Variants in OXR1 observed in about 807,000 individuals in gnomAD.
OXR1 encodes the protein oxidation resistance protein 1.
In OXR1, 41 loss-of-function variants were observed where a neutral mutation model predicts 104.6. That is an observed-to-expected ratio of 0.39 (90% CI 0.31 to 0.51). The LOEUF (loss-of-function observed/expected upper bound fraction) is 0.51. Ranked by LOEUF, OXR1 falls within the 20% of genes least tolerant of loss-of-function variation. The pLI, the probability that OXR1 is intolerant of heterozygous loss-of-function variation, is 0.77. For synonymous variants in OXR1, 348 were observed against 348.4 expected (o/e 1.00, Z 0.01); for missense variants, 955 against 1,031.9 (o/e 0.93, Z 1.02).
chr8:106,336,880 G>A (rs754372270), intron 1 of OXR1, among the ~76,000 whole-genome samples: 6 of 152,202 alleles, frequency 3.9e-5, no homozygotes, highest in Middle Eastern at 3.4e-3. Context: ...ATGGCTTATG[G>A]CATTACCTAG....
chr8:106,363,405 A>AT (rs1816330497), intron 2 of OXR1, among the ~76,000 whole-genome samples: 1 of 152,234 alleles, frequency 6.6e-6, no homozygotes, highest in Admixed American at 6.5e-5. Flanking sequence ...CACCTCTTGC[A>AT]TTTATTCCTT....
intron 2 of OXR1, among the ~76,000 whole-genome samples, chr8:106,512,964 G>A (rs562636993): frequency 9.5e-4 from 145 of 152,278 alleles, no homozygotes; most frequent in Non-Finnish European, 1.4e-3. Flanking sequence ...GCCACATTCA[G>A]TCACTGTTGG....
chr8:106,341,164 G>A (rs1052453142), intron 1 of OXR1, among the ~76,000 whole-genome samples: 8 of 151,916 alleles, frequency 5.3e-5, no homozygotes, highest in African/African-American at 1.9e-4. Context: ...TTATTTTATA[G>A]CCTTCACCTT....
intron 1 of OXR1, among the ~76,000 whole-genome samples, chr8:106,291,305 G>A (rs931284699): frequency 2.6e-5 from 4 of 152,062 alleles, no homozygotes; most frequent in African/African-American, 9.7e-5. Flanking sequence ...GAGAAAGGAA[G>A]ATGTGACTCA....
At chr8:106,692,225 C>T (rs1829378194) in intron 6 of OXR1, among the ~76,000 whole-genome samples, 2 of 152,004 alleles carry the variant, frequency 1.3e-5, no homozygotes, top group Non-Finnish European at 2.9e-5. Context: ...GATTTATCAA[C>T]TGTAGCTCGA....
chr8:106,442,691 A>T (rs1437783859), intron 2 of OXR1, among the ~76,000 whole-genome samples: 1 of 152,134 alleles, frequency 6.6e-6, no homozygotes, highest in Non-Finnish European at 1.5e-5. Flanking sequence ...TAGATTTTCT[A>T]GTTTATTTGC....
chr8:106,582,697 G>T (rs1306818628), intron 3 of OXR1, among the ~76,000 whole-genome samples: 1 of 152,142 alleles, frequency 6.6e-6, no homozygotes, highest in Admixed American at 6.5e-5. Context: ...TTAAGCCACA[G>T]AAGTGTTGTT....
chr8:106,461,697 G>T (rs1422404276), intron 2 of OXR1, among the ~76,000 whole-genome samples: 1 of 152,118 alleles, frequency 6.6e-6, no homozygotes, highest in Admixed American at 6.6e-5. Context: ...TTCTTTATTT[G>T]TAAATTGACA....
intron 1 of OXR1, among the ~76,000 whole-genome samples, chr8:106,349,243 G>C (rs771801716): frequency 2.0e-5 from 3 of 152,036 alleles, no homozygotes; most frequent in Non-Finnish European, 2.9e-5. Context: ...TGATCCAAAT[G>C]TTCAAAAAAT....
chr8:106,355,191 T>A (rs1487156998), intron 1 of OXR1, among the ~76,000 whole-genome samples: 1 of 152,164 alleles, frequency 6.6e-6, no homozygotes, highest in Non-Finnish European at 1.5e-5. Flanking sequence ...GAAGATATAG[T>A]CTTTCTCTTG....
chr8:106,283,471 A>G (rs188903375), intron 1 of OXR1, among the ~76,000 whole-genome samples: 70 of 152,274 alleles, frequency 4.6e-4, no homozygotes, highest in African/African-American at 1.6e-3. Context: ...CTAAGTTTTA[A>G]TGTGGTTCCC....
intron 3 of OXR1, among the ~76,000 whole-genome samples, chr8:106,588,149 T>C (rs953761421): frequency 6.6e-6 from 1 of 151,972 alleles, no homozygotes; most frequent in East Asian, 1.9e-4. Flanking sequence ...TTAATAGAGA[T>C]GGGGTTTCAC....
At chr8:106,273,806 C>G (rs908451809) in intron 1 of OXR1, among the ~76,000 whole-genome samples, 1 of 152,022 alleles carries the variant, frequency 6.6e-6, no homozygotes, top group African/African-American at 2.4e-5. Context: ...AACAAACAAA[C>G]AAAAAATCTT....
intron 3 of OXR1, among the ~76,000 whole-genome samples, chr8:106,642,318 G>C (rs978968837): frequency 6.6e-6 from 1 of 152,044 alleles, no homozygotes; most frequent in Non-Finnish European, 1.5e-5. Flanking sequence ...ACTCCCTCCT[G>C]TAACAAACTT....
At chr8:106,411,426 C>A (rs982506657) in intron 2 of OXR1, among the ~76,000 whole-genome samples, 1 of 152,134 alleles carries the variant, frequency 6.6e-6, no homozygotes, top group Admixed American at 6.5e-5. Flanking sequence ...ATATAATTGG[C>A]ACCATGAAGG....
Position 106,653,079 on chromosome 8 carries a change from A to T in OXR1, c.221-26131A>T, listed in dbSNP as rs1273385787. Among the ~76,000 whole-genome samples, 23 of 107,902 alleles carry T rather than the reference A, an allele frequency of 2.1e-4. No individual in the cohort carries two copies. In the East Asian group the frequency reaches 3.8e-3, roughly 18 times the overall value. 70.8% of individuals were successfully genotyped at this position (107,902 alleles called of 152,430 possible). ...TGACACAAGGAGAAATAGAAAAAAA[A>T]AAAAATATATATATATATATGGTAA... is the stretch of plus-strand genomic sequence containing the variant. On this transcript the variant is annotated intron_variant, in intron 3 of 16. Coordinates refer to ENST00000517566, the MANE Select transcript of OXR1 (RefSeq NM_001198533.2).
chr8:106,750,817 C>T lies in OXR1; in HGVS notation c.2498C>T (p.Ala833Val), dbSNP rs759518315. ...TTTATGTATTGCAGAGGAGAATTTG[C>T]GCTTTGGCTTGATGGAGATCTCTAC... ...LAFGGGGGEFALWLDGDLYHG... is the reference protein window; with the variant it reads ...LAFGGGGGEFVLWLDGDLYHG... Residue 833 changes from alanine (A) to valine (V), a missense_variant, in exon 17 of 17, where the codon GCG becomes GTG. This residue lies in a region of OXR1 where 106 missense variants were observed against 179.0 expected (regional missense o/e 0.59). Coordinates refer to ENST00000517566, the MANE Select transcript of OXR1 (RefSeq NM_001198533.2). 6 of 1,594,864 alleles carry T rather than the reference C, an allele frequency of 3.8e-6. No homozygotes were observed. Among genetic ancestry groups the T allele is most frequent in the African/African-American group, 2.7e-5 (2 of 73,660 alleles).
In OXR1 at chr8:106,723,108, C is replaced by T. The variant is rs1832967291; in HGVS notation, c.1956+9123C>T. Among the ~76,000 whole-genome samples, 3 of 152,092 alleles carry T rather than the reference C, an allele frequency of 2.0e-5. No homozygotes were observed. The South Asian group carries it at 6.2e-4, about 32-fold the overall frequency. ...TGGTGGCTCACACCTGTAATCCCAG[C>T]ATTTTGGGAGGTCAAGGCAAGCAGA... is the stretch of plus-strand genomic sequence containing the variant. On this transcript the variant is annotated intron_variant, in intron 11 of 16. Transcript: ENST00000517566.
intron 2 of OXR1, chr8:106,448,163 C>G: frequency 7.8e-7 from 1 of 1,274,136 alleles, no homozygotes; most frequent in Non-Finnish European, 1.1e-6. Context: ...GAAATCAAAT[C>G]TTTGTGTTTA....
Sources: allele counts gnomAD v4.1 joint callset (sites outside exome capture counted in the v4.1 genomes callset), GRCh38; gene constraint gnomAD v4.1.1; regional missense constraint gnomAD v4.1.1; transcripts MANE v1.5; gene names NCBI Gene and HGNC (gene_info 2026-07-23, HGNC 2026-07-21).